The following PELI2 variants were observed in gnomAD, a reference collection of about 807,000 sequenced individuals.
The protein encoded by PELI2 is E3 ubiquitin-protein ligase pellino homolog 2.
PELI2 carries 23 observed loss-of-function variants against 42.3 expected under a neutral mutation model. The ratio of observed to expected loss-of-function variants is 0.54; its 90% confidence interval spans 0.39 to 0.77. The LOEUF (loss-of-function observed/expected upper bound fraction) is 0.77, where lower values mean the gene tolerates loss of function less well. Among genes scored for constraint, PELI2 ranks in the 30% least tolerant of loss-of-function variants. The pLI, the probability that PELI2 is intolerant of heterozygous loss-of-function variation, is 0.00. For missense variants in PELI2, 463 were observed against 553.2 expected, an observed-to-expected ratio of 0.84 and a Z score of 1.64; for synonymous variants, 245 against 212.2, an observed-to-expected ratio of 1.15 and a Z score of -1.34.
intron 2 of PELI2, among the ~76,000 whole-genome samples, chr14:56,210,320 A>G (rs1370160659): frequency 1.3e-5 from 2 of 152,246 alleles, no homozygotes; most frequent in East Asian, 1.9e-4. Flanking sequence ...AACTGCCACA[A>G]GAGTTGAAAG....
intron 1 of PELI2, among the ~76,000 whole-genome samples, chr14:56,172,197 A>G (rs1385451958): frequency 1.3e-5 from 2 of 152,226 alleles, no homozygotes; most frequent in East Asian, 3.9e-4. Context: ...CCCATATGGT[A>G]TCAGCTGAGG....
chr14:56,270,052 T>G (rs1013035517), intron 2 of PELI2, among the ~76,000 whole-genome samples: 4 of 152,206 alleles, frequency 2.6e-5, no homozygotes, highest in Admixed American at 2.0e-4. Flanking sequence ...TGCTGATAGA[T>G]TGAGCGTGCC....
At chr14:56,224,754 G>A (rs1255177969) in intron 2 of PELI2, among the ~76,000 whole-genome samples, 2 of 152,142 alleles carry the variant, frequency 1.3e-5, no homozygotes, top group Non-Finnish European at 2.9e-5. Flanking sequence ...AGGGCTTGTT[G>A]TATTTTAACA....
At chr14:56,170,365 T>A (rs1885122243) in intron 1 of PELI2, among the ~76,000 whole-genome samples, 3 of 152,222 alleles carry the variant, frequency 2.0e-5, no homozygotes, top group Admixed American at 2.0e-4. Context: ...GCATCCCCCT[T>A]CTTGCTCTGG....
At chr14:56,131,544 C>T (rs1191920370) in intron 1 of PELI2, among the ~76,000 whole-genome samples, 1 of 152,230 alleles carries the variant, frequency 6.6e-6, no homozygotes, top group South Asian at 2.1e-4. Context: ...TCAGCAGGTT[C>T]TGCTAATGTA....
At chr14:56,154,358 A>G (rs115979451) in intron 1 of PELI2, among the ~76,000 whole-genome samples, 341 of 152,290 alleles carry the variant, frequency 2.2e-3, no homozygotes, top group African/African-American at 7.8e-3. Context: ...TGAAATTGTA[A>G]TCTCCAGGTG....
intron 2 of PELI2, among the ~76,000 whole-genome samples, chr14:56,196,204 C>T (rs1169397263): frequency 6.6e-6 from 1 of 152,122 alleles, no homozygotes; most frequent in East Asian, 1.9e-4. Flanking sequence ...CTCCCCACCC[C>T]TCCTTAAAAT....
chr14:56,238,914 G>A (rs987107149), intron 2 of PELI2, among the ~76,000 whole-genome samples: 2 of 152,176 alleles, frequency 1.3e-5, no homozygotes, highest in African/African-American at 4.8e-5. Flanking sequence ...GGTTAGAAGA[G>A]TAACAGGTAG....
intron 1 of PELI2, among the ~76,000 whole-genome samples, chr14:56,134,863 C>T (rs1386640377): frequency 1.3e-5 from 2 of 151,710 alleles, no homozygotes; most frequent in Admixed American, 6.6e-5. Flanking sequence ...TTACACCATC[C>T]CCCAATCCAA....
chr14:56,149,451 C>T (rs1484268292), intron 1 of PELI2, among the ~76,000 whole-genome samples: 1 of 152,116 alleles, frequency 6.6e-6, no homozygotes, highest in African/African-American at 2.4e-5. Context: ...TTATGCCTTA[C>T]AAAATAAGAA....
chr14:56,184,583 A>C (rs1885701472), intron 2 of PELI2, among the ~76,000 whole-genome samples: 1 of 152,124 alleles, frequency 6.6e-6, no homozygotes, highest in Non-Finnish European at 1.5e-5. Context: ...GCCAGAAATG[A>C]AACAGAACAA....
chr14:56,233,419 G>A (rs928681471), intron 2 of PELI2, among the ~76,000 whole-genome samples: 2 of 152,088 alleles, frequency 1.3e-5, no homozygotes, highest in Non-Finnish European at 2.9e-5. Context: ...ATAGACCAAT[G>A]GAACAGAACA....
At chr14:56,210,090 A>G (rs1305252228) in intron 2 of PELI2, among the ~76,000 whole-genome samples, 1 of 152,164 alleles carries the variant, frequency 6.6e-6, no homozygotes, top group East Asian at 1.9e-4. Context: ...TAGTGTGATA[A>G]TGGTACTGTG....
chr14:56,212,977 G>C (rs939621355), intron 2 of PELI2, among the ~76,000 whole-genome samples: 21 of 152,312 alleles, frequency 1.4e-4, no homozygotes, highest in Non-Finnish European at 2.5e-4. Context: ...TAGTCCACAC[G>C]TGCAGTTCGT....
At chr14:56,233,074 A>G (rs543470879) in intron 2 of PELI2, among the ~76,000 whole-genome samples, 11 of 152,304 alleles carry the variant, frequency 7.2e-5, no homozygotes, top group Admixed American at 3.9e-4. Flanking sequence ...TTCAAGGAGA[A>G]CTACAAACCT....
At chr14:56,251,587 G>C (rs1424094520) in intron 2 of PELI2, among the ~76,000 whole-genome samples, 1 of 152,164 alleles carries the variant, frequency 6.6e-6, no homozygotes, top group Non-Finnish European at 1.5e-5. Context: ...CTCATGGTTG[G>C]TATGTAGTGC....
intron 1 of PELI2, among the ~76,000 whole-genome samples, chr14:56,138,772 G>A (rs1883780755): frequency 1.3e-5 from 2 of 152,172 alleles, no homozygotes; most frequent in Admixed American, 1.3e-4. Flanking sequence ...TTCGCATATT[G>A]TCAGTCTAGT....
intron 1 of PELI2, among the ~76,000 whole-genome samples, chr14:56,176,698 A>T (rs889282479): frequency 6.6e-6 from 1 of 152,198 alleles, no homozygotes; most frequent in Non-Finnish European, 1.5e-5. Context: ...TGCATCTACC[A>T]TACAGGGTCA....
At chr14:56,170,005 C>T (rs1350762939) in intron 1 of PELI2, among the ~76,000 whole-genome samples, 1 of 152,170 alleles carries the variant, frequency 6.6e-6, no homozygotes, top group African/African-American at 2.4e-5. Flanking sequence ...GGTGAGCTAC[C>T]TCAAGACTGG....
Sources: allele counts gnomAD v4.1 joint callset (sites outside exome capture counted in the v4.1 genomes callset), GRCh38; gene constraint gnomAD v4.1.1; transcripts MANE v1.5; gene names NCBI Gene and HGNC (gene_info 2026-07-23, HGNC 2026-07-21).